INSL6: variants seen among roughly 807,000 people sequenced by gnomAD.
INSL6 encodes insulin-like peptide INSL6.
INSL6 carries 16 observed loss-of-function variants against 9.4 expected under a neutral mutation model. The ratio of observed to expected loss-of-function variants is 1.70; its 90% CI spans 1.15 to 2.59. INSL6 has a LOEUF of 2.59. Ranked by LOEUF, INSL6 falls within the 30% of genes most tolerant of loss-of-function variation. The probability of loss-of-function intolerance (pLI) is 0.00; values close to 1 mark genes in which losing one functional copy is unlikely to be tolerated. For synonymous variants in INSL6, 154 were observed against 96.9 expected (o/e 1.59, Z -3.46); for missense variants, 391 against 257.3 (o/e 1.52, Z -3.56).
At chr9:5,099,299 T>G in the INSL6 span, 1 of 151,076 alleles carries the variant, frequency 6.6e-6, no homozygotes, top group African/African-American at 2.4e-5. Flanking sequence ...CCTCTTAAAA[T>G]ATTTCAAAAC....
intron 2 of INSL6, among the ~76,000 whole-genome samples, chr9:5,143,663 CTTT>C (rs58643904): frequency 7.0e-6 from 1 of 142,226 alleles, no homozygotes. Flanking sequence ...ATTTGTTAAT[CTTT>C]TTTTTTTTTT....
intron 1 of INSL6, among the ~76,000 whole-genome samples, chr9:5,169,226 G>T (rs1359105511): frequency 2.0e-5 from 3 of 152,058 alleles, no homozygotes; most frequent in Admixed American, 1.3e-4. Flanking sequence ...GCACCCAGCA[G>T]ATATTCTTAA....
At chr9:5,166,291 G>GT (rs1293582418) in intron 1 of INSL6, among the ~76,000 whole-genome samples, 8 of 151,330 alleles carry the variant, frequency 5.3e-5, no homozygotes, top group African/African-American at 1.9e-4. Flanking sequence ...TCTATACCTT[G>GT]TTTGTTTTTA....
At chr9:5,009,934 A>C in the INSL6 span, among the ~76,000 whole-genome samples, 1 of 152,058 alleles carries the variant, frequency 6.6e-6, no homozygotes, top group South Asian at 2.1e-4. Context: ...CATGCTGGCT[A>C]ATTTTTAGAT....
At position 5,138,349 on chromosome 9, in the gene INSL6, T is replaced by C. The variant is rs183928081; in HGVS notation, c.377-4757A>G. Among the ~76,000 whole-genome samples, 782 of 152,314 alleles carry C rather than the reference T, an allele frequency of 5.1e-3. 8 individuals carry two copies. The highest frequency in any genetic ancestry group is 0.017 in the African/African-American group (699 of 41,570). ...AACCAACCCAAATGCCCATCAGTGA[T>C]AGACTGGATAAAGAAAATGTGGCAC... On this transcript the variant is annotated intron_variant, in intron 2 of 3. Coordinates refer to the INSL6 transcript ENST00000649639.
At chr9:5,095,713 G>T in the INSL6 span, among the ~76,000 whole-genome samples, 2 of 152,058 alleles carry the variant, frequency 1.3e-5, no homozygotes, top group African/African-American at 4.8e-5. Flanking sequence ...ATCCATTAAC[G>T]TAAGCGGTTG....
chr9:5,133,659 A>G (rs1364452593), intron 2 of INSL6: 1 of 152,036 alleles, frequency 6.6e-6, no homozygotes, highest in African/African-American at 2.4e-5. Flanking sequence ...ATCAACATCA[A>G]CAAAATGTCC....
chr9:5,069,299 T>C, the INSL6 span: 3 of 793,810 alleles, frequency 3.8e-6, no homozygotes, highest in Non-Finnish European at 6.0e-6. Context: ...TCAAAGGATA[T>C]ATGAAAGAAG....
At chr9:5,121,756 A>T (rs946784613), downstream of INSL6, among the ~76,000 whole-genome samples, 8 of 152,144 alleles carry the variant, frequency 5.3e-5, no homozygotes, top group African/African-American at 1.9e-4. Flanking sequence ...ATTTTCAACA[A>T]GGGGAATTAA....
At chr9:5,152,492 T>A (rs1411993963) in intron 2 of INSL6, among the ~76,000 whole-genome samples, 1 of 152,080 alleles carries the variant, frequency 6.6e-6, no homozygotes, top group Non-Finnish European at 1.5e-5. Flanking sequence ...ATGGAAAATA[T>A]TCTCTAATGA....
At chr9:5,095,520 A>G in the INSL6 span, among the ~76,000 whole-genome samples, 1 of 152,034 alleles carries the variant, frequency 6.6e-6, no homozygotes, top group Admixed American at 6.6e-5. Context: ...CCTTAATAAT[A>G]ACAGCCCTAG....
chr9:5,016,016 T>C, the INSL6 span, among the ~76,000 whole-genome samples: 1 of 152,216 alleles, frequency 6.6e-6, no homozygotes, highest in Non-Finnish European at 1.5e-5. Flanking sequence ...TGTACAGAAG[T>C]AGGCATTGGA....
intron 2 of INSL6, among the ~76,000 whole-genome samples, chr9:5,143,863 T>C (rs1824550342): frequency 6.6e-6 from 1 of 151,698 alleles, no homozygotes; most frequent in African/African-American, 2.4e-5. Flanking sequence ...TTTCACCATG[T>C]TGGCCATGCT....
At chr9:5,152,863 G>C (rs575588064) in intron 2 of INSL6, among the ~76,000 whole-genome samples, 2 of 152,146 alleles carry the variant, frequency 1.3e-5, no homozygotes, top group Non-Finnish European at 2.9e-5. Flanking sequence ...TCATCTCATT[G>C]GGACTGGTTA....
the INSL6 span, chr9:5,041,347 G>T: frequency 6.1e-6 from 4 of 651,330 alleles, no homozygotes; most frequent in East Asian, 2.9e-5. Flanking sequence ...CAGGTACGGC[G>T]TGCTACATGA....
At chr9:5,037,910 A>G in the INSL6 span, among the ~76,000 whole-genome samples, 3 of 152,150 alleles carry the variant, frequency 2.0e-5, no homozygotes, top group African/African-American at 7.2e-5. Flanking sequence ...TCAAATAAAC[A>G]TAAGGTTAGT....
the INSL6 span, among the ~76,000 whole-genome samples, chr9:5,066,205 T>G: frequency 6.6e-6 from 1 of 152,140 alleles, no homozygotes; most frequent in Non-Finnish European, 1.5e-5. Flanking sequence ...AAACCAGTAG[T>G]CTTTGTCAGT....
the INSL6 span, chr9:5,098,469 G>A: frequency 1.3e-5 from 2 of 151,958 alleles, no homozygotes; most frequent in East Asian, 1.9e-4. Flanking sequence ...CATTATTTCC[G>A]TAATACTCAC....
At chr9:5,095,281 A>G in the INSL6 span, among the ~76,000 whole-genome samples, 1 of 151,852 alleles carries the variant, frequency 6.6e-6, no homozygotes, top group African/African-American at 2.4e-5. Flanking sequence ...AGGAACCCTC[A>G]TCACAATGCT....
Sources: gnomAD v4.1 joint callset for allele counts (sites outside exome capture counted in the v4.1 genomes callset) on GRCh38, gnomAD v4.1.1 for gene constraint, MANE v1.5 for transcripts, NCBI Gene and HGNC (gene_info 2026-07-23, HGNC 2026-07-21) for gene names.